The following SIDT1 variants were observed in gnomAD, a reference collection of about 807,000 sequenced individuals.
SIDT1 encodes SID1 transmembrane family, member 1.
Under a neutral mutation model 107.5 loss-of-function variants are expected in SIDT1, and 101 were observed. That is an observed-to-expected ratio of 0.94 (90% CI 0.80 to 1.11). The LOEUF is 1.11. Among genes scored for constraint, SIDT1 ranks in the 50% least tolerant of loss-of-function variants. The probability of loss-of-function intolerance (pLI) is 0.00; values close to 1 mark genes in which losing one functional copy is unlikely to be tolerated. For synonymous variants in SIDT1, 395 were observed against 398.2 expected, an observed-to-expected ratio of 0.99 and a Z score of 0.10; for missense variants, 1,076 against 1,058.2, an observed-to-expected ratio of 1.02 and a Z score of -0.23.
downstream of SIDT1, among the ~76,000 whole-genome samples, chr3:113,631,668 ATCAGCCT>A (rs1274610906): frequency 6.6e-6 from 1 of 152,216 alleles, no homozygotes; most frequent in Admixed American, 6.5e-5. Context: ...AGAATCACAG[ATCAGCCT>A]TCACCACTGA....
chr3:113,630,543 G>C (rs138963051), downstream of SIDT1, among the ~76,000 whole-genome samples: 1 of 152,142 alleles, frequency 6.6e-6, no homozygotes, highest in Non-Finnish European at 1.5e-5. Context: ...ACATGCATGT[G>C]TCGGTAAATC....
At chr3:113,560,437 C>T (rs1481833709) in intron 1 of SIDT1, among the ~76,000 whole-genome samples, 1 of 152,238 alleles carries the variant, frequency 6.6e-6, no homozygotes, top group African/African-American at 2.4e-5. Flanking sequence ...ATCCCCAGCA[C>T]CTCCCACAGC....
Position 113,612,118 on chromosome 3 carries a change from C to T in SIDT1, c.1890C>T (p.Val630=), listed in dbSNP as rs1945797609. ...VFGKNDVWFW[V]IFSAIHVLAS... ...GAAAAAATGACGTATGGTTCTGGGT[C>T]ATCTTCTCTGCAATCCACGTTCTGG... The change falls in exon 19 of 25, where the codon GTC becomes GTT. Residue 630 remains valine (V), a synonymous_variant. Transcript: ENST00000264852. 1 of 1,614,062 alleles carries T rather than the reference C, an allele frequency of 6.2e-7. No individual in the cohort carries two copies. Among genetic ancestry groups the T allele is most frequent in the Non-Finnish European group, 8.5e-7 (1 of 1,180,000 alleles).
rs1208907130 is a variant in SIDT1 at position 113,566,427 on chromosome 3, C to G, written c.230C>G (p.Ala77Gly). ...TTCTACCCTGCCATGCAGGTGACAGCCGTGAGGGTGTATGTGAACAGTTCC... is the reference window on the plus strand; with the variant it reads ...TTCTACCCTGCCATGCAGGTGACAGGCGTGAGGGTGTATGTGAACAGTTCC... ...NYTSQPDQVTAVRVYVNSSSE... is the reference protein window; with the variant it reads ...NYTSQPDQVTGVRVYVNSSSE... The change falls in exon 2 of 25, where the codon GCC becomes GGC. Residue 77 changes from alanine (A) to glycine (G), a missense_variant. Ala to Gly is a moderately conservative substitution (Grantham distance 60, BLOSUM62 0). Coordinates refer to ENST00000264852, the MANE Select transcript of SIDT1 (RefSeq NM_017699.3). 6.2e-7 allele frequency: 1 copy of G among 1,613,546 alleles called. No individual in the cohort carries two copies. The highest frequency in any genetic ancestry group is 8.5e-7 in the Non-Finnish European group (1 of 1,179,840).
intron 1 of SIDT1, among the ~76,000 whole-genome samples, chr3:113,545,890 A>G (rs1939529578): frequency 6.6e-6 from 1 of 152,238 alleles, no homozygotes; most frequent in Non-Finnish European, 1.5e-5. Context: ...TTTATAGTAT[A>G]AGTTTTCATT....
intron 1 of SIDT1, among the ~76,000 whole-genome samples, chr3:113,545,780 C>T (rs1022796563): frequency 6.6e-6 from 1 of 152,182 alleles, no homozygotes; most frequent in African/African-American, 2.4e-5. Context: ...AATAGTGAAA[C>T]AAATTATATC....
chr3:113,635,231 C>A, the SIDT1 span, among the ~76,000 whole-genome samples: 2 of 152,210 alleles, frequency 1.3e-5, no homozygotes, highest in African/African-American at 4.8e-5. Context: ...TGCATTGGCT[C>A]ATGCCTATAA....
At chr3:113,596,816 C>T (rs1161339997) in intron 10 of SIDT1, among the ~76,000 whole-genome samples, 3 of 152,202 alleles carry the variant, frequency 2.0e-5, no homozygotes, top group Non-Finnish European at 1.5e-5. Flanking sequence ...TGGGGTACAA[C>T]AGAAGAGGAG....
intron 24 of SIDT1, 137 bp downstream of exon 24, chr3:113,626,352 A>C (rs1946850567): frequency 1.7e-6 from 1 of 591,176 alleles, no homozygotes. Flanking sequence ...TTCAATGTAC[A>C]GACCATCTTA....
chr3:113,541,553 A>G (rs764508769), intron 1 of SIDT1, among the ~76,000 whole-genome samples: 3 of 152,240 alleles, frequency 2.0e-5, no homozygotes, highest in Non-Finnish European at 4.4e-5. Context: ...TCCAGGGAAT[A>G]TTGGGTTGGT....
chr3:113,600,275 A>C (rs1286880579), intron 10 of SIDT1, among the ~76,000 whole-genome samples: 1 of 152,028 alleles, frequency 6.6e-6, no homozygotes, highest in Non-Finnish European at 1.5e-5. Flanking sequence ...GTACTACTGC[A>C]CTCCAGCCTG....
At chr3:113,566,271 C>A (rs1204250346) in intron 1 of SIDT1, 149 bp from the exon 2 acceptor site, 1 of 697,846 alleles carries the variant, frequency 1.4e-6, no homozygotes, top group Non-Finnish European at 2.3e-6. Context: ...TCATGAGAAG[C>A]AAATATCAGA....
At chr3:113,598,059 T>C (rs748689416) in intron 10 of SIDT1, among the ~76,000 whole-genome samples, 3 of 152,202 alleles carry the variant, frequency 2.0e-5, no homozygotes, top group Non-Finnish European at 4.4e-5. Context: ...CATATAAAAG[T>C]CCACAGAATG....
chr3:113,537,741 C>T (rs1480023586), intron 1 of SIDT1, among the ~76,000 whole-genome samples: 2 of 152,192 alleles, frequency 1.3e-5, no homozygotes, highest in East Asian at 1.9e-4. Flanking sequence ...CCTCACGTGG[C>T]CAAGAGAGCA....
chr3:113,611,737 G>A (rs1189264847), intron 18 of SIDT1, among the ~76,000 whole-genome samples: 1 of 152,216 alleles, frequency 6.6e-6, no homozygotes, highest in Non-Finnish European at 1.5e-5. Flanking sequence ...GCTGACTGGA[G>A]AGACTGAGGG....
At chr3:113,587,457 G>A (rs556236585) in intron 9 of SIDT1, among the ~76,000 whole-genome samples, 9 of 152,120 alleles carry the variant, frequency 5.9e-5, no homozygotes, top group East Asian at 1.9e-4. Context: ...TTAATTTATC[G>A]AATCAGAGTT....
chr3:113,533,660 C>G (rs1010195222), intron 1 of SIDT1, among the ~76,000 whole-genome samples: 1 of 152,160 alleles, frequency 6.6e-6, no homozygotes, highest in Non-Finnish European at 1.5e-5. Flanking sequence ...TCAGCCAGAC[C>G]CTTCTATTTC....
At chr3:113,567,852 C>T (rs1942064656) in intron 3 of SIDT1, 142 bp downstream of exon 3, 1 of 799,758 alleles carries the variant, frequency 1.3e-6, no homozygotes, top group Non-Finnish European at 2.0e-6. Context: ...AACTCTCCTG[C>T]CCATAACTGA....
chr3:113,627,052 G>A (rs1326235293), intron 24 of SIDT1, among the ~76,000 whole-genome samples: 1 of 152,180 alleles, frequency 6.6e-6, no homozygotes, highest in Non-Finnish European at 1.5e-5. Context: ...GAGAGACAGA[G>A]ACAGCAAAAG....
Sources: allele counts gnomAD v4.1 joint callset (sites outside exome capture counted in the v4.1 genomes callset), GRCh38; gene constraint gnomAD v4.1.1; transcripts MANE v1.5; gene names NCBI Gene and HGNC (gene_info 2026-07-23, HGNC 2026-07-21).